The following ATXN2 variants were observed in gnomAD, a reference collection of about 807,000 sequenced individuals.
The protein encoded by ATXN2 is ataxin 2, also known as ataxin-2.
ATXN2 carries 37 observed loss-of-function variants against 138.6 expected under a neutral mutation model. That is an observed-to-expected ratio of 0.27 (90% confidence interval 0.21 to 0.35). ATXN2 has a LOEUF of 0.35. ATXN2 is among the 10% of genes least tolerant of loss of function. ATXN2 has a pLI of 1.00. For missense variants in ATXN2, 1,216 were observed against 1,480.3 expected (o/e 0.82, Z 2.93); for synonymous variants, 549 against 543.7 (o/e 1.01, Z -0.13).
At chr12:111,558,444 T>C (rs1882504102) in intron 1 of ATXN2, among the ~76,000 whole-genome samples, 1 of 152,190 alleles carries the variant, frequency 6.6e-6, no homozygotes, top group African/African-American at 2.4e-5. Context: ...ACTCTATGCT[T>C]TTAATAGTTG....
chr12:111,545,322 C>G (rs1592885657), intron 5 of ATXN2, among the ~76,000 whole-genome samples: 2 of 150,494 alleles, frequency 1.3e-5, no homozygotes, highest in Non-Finnish European at 3.0e-5. Flanking sequence ...GATGGCCAGG[C>G]GTGGTGGCTC....
At chr12:111,590,829 A>T (rs939699471) in intron 1 of ATXN2, among the ~76,000 whole-genome samples, 7 of 152,134 alleles carry the variant, frequency 4.6e-5, no homozygotes, top group Non-Finnish European at 8.8e-5. Flanking sequence ...TGCATATAGC[A>T]AGAGATGTAG....
chr12:111,586,268 C>CACAG (rs1884325478), intron 1 of ATXN2, among the ~76,000 whole-genome samples: 1 of 149,538 alleles, frequency 6.7e-6, no homozygotes, highest in African/African-American at 2.4e-5. Flanking sequence ...GTGGCCCAGG[C>CACAG]TGGGGCACAG....
At chr12:111,525,390 C>T in intron 5 of ATXN2, 74 bp from the exon 6 acceptor site, 2 of 1,365,194 alleles carry the variant, frequency 1.5e-6, no homozygotes, top group Non-Finnish European at 1.9e-6. Context: ...GAATTACCAA[C>T]AAAGACATAT....
At chr12:111,576,210 G>A (rs543190410) in intron 1 of ATXN2, among the ~76,000 whole-genome samples, 10 of 152,158 alleles carry the variant, frequency 6.6e-5, no homozygotes, top group South Asian at 2.1e-4. Flanking sequence ...TTGGAAGGTC[G>A]AGGTAGGCGG....
In ATXN2 at chr12:111,599,180, G is replaced by A; in HGVS notation, c.-146C>T. 2 of 1,204,622 alleles carry A rather than the reference G, an allele frequency of 1.7e-6. No homozygotes were observed. Among genetic ancestry groups the A allele is most frequent in the Non-Finnish European group, 2.1e-6 (2 of 971,292 alleles). 74.6% of individuals were successfully genotyped at this position (1,204,622 alleles called of 1,614,324 possible). A position where few individuals can be genotyped will look rare whatever the true frequency, so the allele number is the denominator to read the frequency against. On this transcript the variant is annotated 5_prime_UTR_variant, in exon 1 of 25. Transcript: ENST00000673436. The stretch of plus-strand genomic sequence containing the variant: ...CGCGGCCGGAGGGGCGCCCGGGCTG[G>A]CGAGGGGGAGAAGGAGGACGACGAA...
At chr12:111,581,013 C>G (rs1226455855) in intron 1 of ATXN2, among the ~76,000 whole-genome samples, 1 of 151,356 alleles carries the variant, frequency 6.6e-6, no homozygotes, top group Non-Finnish European at 1.5e-5. Context: ...TGGCAGGTGC[C>G]TGTAGTCCCA....
At chr12:111,508,441 C>CTTTTTTTTTT (rs66643315) in intron 14 of ATXN2, among the ~76,000 whole-genome samples, 5 of 85,656 alleles carry the variant, frequency 5.8e-5, no homozygotes, top group East Asian at 4.5e-4. Context: ...AATTGAAAAA[C>CTTTTTTTTTT]TTTTTTTTTT....
chr12:111,546,664 G>A (rs1881814317), intron 5 of ATXN2, among the ~76,000 whole-genome samples: 1 of 152,104 alleles, frequency 6.6e-6, no homozygotes, highest in Non-Finnish European at 1.5e-5. Context: ...GAAAAAAATA[G>A]AGGAGAAAGG....
intron 18 of ATXN2, chr12:111,471,190 C>T (rs995469383): frequency 5.4e-6 from 1 of 185,622 alleles, no homozygotes; most frequent in African/African-American, 2.3e-5. Context: ...AATTTCCAAC[C>T]ACTGAATCCT....
At chr12:111,458,062 A>G (rs1180872734) in intron 21 of ATXN2, 1 of 152,228 alleles carries the variant, frequency 6.6e-6, no homozygotes, top group East Asian at 1.9e-4. Context: ...CAAAATAAAG[A>G]TAAGAACTGA....
chr12:111,488,401 G>A, intron 15 of ATXN2, 75 bp downstream of exon 15: 2 of 1,436,106 alleles, frequency 1.4e-6, no homozygotes, highest in East Asian at 4.6e-5. Context: ...CTTCACAGTT[G>A]GAAGGACCTA....
intron 1 of ATXN2, among the ~76,000 whole-genome samples, chr12:111,594,342 A>AT (rs879733716): frequency 0.046 from 6,682 of 145,864 alleles, 454 homozygotes; most frequent in African/African-American, 0.15. Context: ...ATCACAGCAC[A>AT]TTTTTTTTTT....
intron 1 of ATXN2, among the ~76,000 whole-genome samples, chr12:111,570,295 T>G (rs1036219262): frequency 3.3e-5 from 5 of 152,156 alleles, no homozygotes; most frequent in Admixed American, 3.3e-4. Flanking sequence ...CAAAAGACTA[T>G]CAGTGGAGGA....
Position 111,453,235 on chromosome 12 carries a change from C to G in ATXN2, c.3440-395G>C. ...GCTCTCCCCTGTTCAGGGGCTGGGG[C>G]TAACGCTACACTCAAAGCCAGTCCA... On this transcript the variant is annotated intron_variant, in intron 24 of 24. Coordinates refer to ENST00000673436, the MANE Select transcript of ATXN2 (RefSeq NM_001372574.1). This position sits in a 1 kb window ranked among gnomAD's most constrained non-coding sequence, Gnocchi z 5.4. 9.3e-7 allele frequency: 1 copy of G among 1,074,734 alleles called. No individual in the cohort carries two copies. The highest frequency in any genetic ancestry group is 1.7e-5 in the African/African-American group (1 of 60,278). The allele number at this position is 1,074,734 out of a possible 1,614,324, so 66.6% of individuals were successfully genotyped here.
chr12:111,566,800 G>A (rs1450446121), intron 1 of ATXN2, among the ~76,000 whole-genome samples: 3 of 151,954 alleles, frequency 2.0e-5, no homozygotes, highest in South Asian at 2.1e-4. Flanking sequence ...CCACATCCCC[G>A]CTAATTTTTG....
intron 22 of ATXN2, 34 bp from the exon 23 acceptor site, chr12:111,456,290 C>T: frequency 6.2e-7 from 1 of 1,609,956 alleles, no homozygotes; most frequent in Non-Finnish European, 8.5e-7. Flanking sequence ...GAGAGGAAAA[C>T]TTCTTTAATG....
chr12:111,540,484 G>A (rs914660732), intron 5 of ATXN2, among the ~76,000 whole-genome samples: 6 of 150,594 alleles, frequency 4.0e-5, no homozygotes, highest in African/African-American at 7.3e-5. Flanking sequence ...ACCATTCAGC[G>A]CAAGCTGATA....
At chr12:111,503,777 A>G (rs2135720282) in intron 14 of ATXN2, among the ~76,000 whole-genome samples, 1 of 152,096 alleles carries the variant, frequency 6.6e-6, no homozygotes, top group African/African-American at 2.4e-5. Context: ...TTTAATAAAG[A>G]TAGGGTTTCG....
Sources: gnomAD v4.1 joint callset for allele counts (sites outside exome capture counted in the v4.1 genomes callset) on GRCh38, gnomAD v4.1.1 for gene constraint, Gnocchi (gnomAD v3.1) non-coding constraint, MANE v1.5 for transcripts, NCBI Gene and HGNC (gene_info 2026-07-23, HGNC 2026-07-21) for gene names.